Variants in MBP observed in about 807,000 individuals in gnomAD.
The protein encoded by MBP is myelin basic protein.
A neutral mutation model predicts 35.8 loss-of-function variants in MBP; 16 were observed. The ratio of observed to expected loss-of-function variants is 0.45; its 90% CI spans 0.30 to 0.68. The LOEUF (loss-of-function observed/expected upper bound fraction) is 0.68. Ranked by LOEUF, MBP falls within the 30% of genes least tolerant of loss-of-function variation. The pLI is 0.08. For synonymous variants in MBP, 143 were observed against 159.6 expected (o/e 0.90, Z 0.78); for missense variants, 380 against 404.7 (o/e 0.94, Z 0.52).
At chr18:76,998,499 C>G (rs755078053) in intron 4 of MBP, among the ~76,000 whole-genome samples, 8 of 152,052 alleles carry the variant, frequency 5.3e-5, no homozygotes, top group Non-Finnish European at 1.2e-4. Context: ...CGGAGCCACG[C>G]TGATCTGATT....
chr18:76,991,092 GC>G (rs1395328745), intron 4 of MBP, among the ~76,000 whole-genome samples: 4 of 152,170 alleles, frequency 2.6e-5, no homozygotes, highest in African/African-American at 9.7e-5. Flanking sequence ...ACAGCATGAG[GC>G]AGGCAGCTCA....
At chr18:77,011,987 T>C (rs751398302) in intron 4 of MBP, among the ~76,000 whole-genome samples, 1 of 152,206 alleles carries the variant, frequency 6.6e-6, no homozygotes, top group South Asian at 2.1e-4. Flanking sequence ...TTGCCTGTTA[T>C]CAAATGTCCA....
intron 4 of MBP, chr18:77,014,222 G>A (rs563417228): frequency 2.0e-6 from 2 of 985,348 alleles, no homozygotes; most frequent in African/African-American, 3.5e-5. Context: ...ACACAAGCAT[G>A]GGTGTTGTTA....
rs776127568 is a variant in MBP, at chr18:77,017,208, G to T, written c.200C>A (p.Ser67Tyr). 6 of 1,529,256 alleles carry T rather than the reference G, an allele frequency of 3.9e-6. No homozygotes were observed. In the East Asian group the frequency reaches 9.0e-5, roughly 23 times the overall value. The allele number at this position is 1,529,256 out of a possible 1,614,324, so 94.7% of individuals were successfully genotyped here. Residue 67 changes from serine (S) to tyrosine (Y), a missense_variant, in exon 4 of 9, where the codon TCC becomes TAC. Transcript: ENST00000355994. ...ATTCTTCGGGTCCGCTGTGCGCTTGGAGTCAGTCACCGCTGTGTCCTGAGA... is the reference window on the plus strand; with the variant it reads ...ATTCTTCGGGTCCGCTGTGCGCTTGTAGTCAGTCACCGCTGTGTCCTGAGA... ...TSSQDTAVTD[S>Y]KRTADPKNAW...
chr18:77,039,464 G>C (rs570442574), intron 3 of MBP, among the ~76,000 whole-genome samples: 30 of 152,258 alleles, frequency 2.0e-4, no homozygotes, highest in African/African-American at 7.0e-4. Context: ...GTATGCATTT[G>C]GTTTTAATTT....
rs796644135 is a variant in MBP, at chr18:77,014,279, C to T, written c.576+2553G>A. The T allele has an allele frequency of 2.6e-5, 26 of 985,452 alleles. 3 individuals are homozygous for T. The East Asian group carries it at 4.5e-4, about 17-fold the overall frequency. 61.0% of individuals were successfully genotyped at this position (985,452 alleles called of 1,614,324 possible). A position where few individuals can be genotyped will look rare whatever the true frequency, so the allele number is the denominator to read the frequency against. On this transcript the variant is annotated intron_variant, in intron 4 of 8. Transcript: ENST00000355994. ...CGGCCGCTCCAACATGTGGTACCAG[C>T]GGCCATGTGCCCTCAAGGGGAGGGA...
At chr18:77,114,474 CAGTT>C (rs1300246366) in intron 1 of MBP, 1 of 152,210 alleles carries the variant, frequency 6.6e-6, no homozygotes, top group Non-Finnish European at 1.5e-5. Context: ...ATCCACGTGT[CAGTT>C]AGATTAGCAT....
intron 2 of MBP, among the ~76,000 whole-genome samples, chr18:77,100,064 C>T (rs1445930239): frequency 6.6e-6 from 1 of 152,218 alleles, no homozygotes; most frequent in African/African-American, 2.4e-5. Flanking sequence ...TGTGATCCTC[C>T]TGAATCTATA....
intron 3 of MBP, among the ~76,000 whole-genome samples, chr18:77,050,039 C>T (rs1568312952): frequency 6.6e-6 from 1 of 152,186 alleles, no homozygotes; most frequent in Non-Finnish European, 1.5e-5. Flanking sequence ...GAAACAAGTG[C>T]TATTTTCATT....
Position 77,033,408 on chromosome 18 carries a change from C to T in MBP, c.140-16140G>A, listed in dbSNP as rs79945755. Among the ~76,000 whole-genome samples, 837 of 152,282 alleles carry T rather than the reference C, an allele frequency of 5.5e-3. 5 individuals carry two copies. Among genetic ancestry groups the T allele is most frequent in the African/African-American group, 0.019 (783 of 41,560 alleles). ...CTCCCCCATGCATTGCTCTGATGAGCGCTTGCAGTGCATGTCATAAAATGT... is the reference window on the plus strand; with the variant it reads ...CTCCCCCATGCATTGCTCTGATGAGTGCTTGCAGTGCATGTCATAAAATGT... On this transcript the variant is annotated intron_variant, in intron 3 of 8. Transcript: ENST00000355994.
At chr18:76,997,821 T>C (rs1244253012) in intron 4 of MBP, among the ~76,000 whole-genome samples, 10 of 151,290 alleles carry the variant, frequency 6.6e-5, no homozygotes, top group Admixed American at 5.9e-4. Context: ...TAGCTGGGAC[T>C]AGAGGCTCCG....
At chr18:77,077,145 G>A (rs193302471) in intron 2 of MBP, among the ~76,000 whole-genome samples, 152 of 152,052 alleles carry the variant, frequency 1.0e-3, no homozygotes, top group African/African-American at 3.2e-3. Flanking sequence ...AGGATCACCC[G>A]AGGTCAGGAG....
At chr18:77,125,348 GATA>G (rs1174968271) in intron 1 of MBP, among the ~76,000 whole-genome samples, 3 of 151,936 alleles carry the variant, frequency 2.0e-5, no homozygotes, top group Non-Finnish European at 4.4e-5. Context: ...AAAAAGCACA[GATA>G]ATAATCTACA....
chr18:76,991,311 C>G (rs763181673), intron 4 of MBP, among the ~76,000 whole-genome samples: 15 of 152,088 alleles, frequency 9.9e-5, no homozygotes, highest in African/African-American at 1.7e-4. Context: ...AGAGATCGCA[C>G]AGAAGATACA....
rs775008570 is a variant in MBP, at chr18:77,101,725, T to TGCC, written c.51+3483_51+3485dup. On this transcript the variant is annotated intron_variant, in intron 2 of 8. Transcript: ENST00000355994. This position sits in a 1 kb window ranked among gnomAD's most constrained non-coding sequence, Gnocchi z 4.3. The stretch of plus-strand genomic sequence containing the variant: ...GTTAGTTTCTCTTCCTCTTACATCC[T>TGCC]GCCGTGGCTTATTCGGGATGAGAGA... Among the ~76,000 whole-genome samples, 2 of 152,170 alleles carry TGCC rather than the reference T, an allele frequency of 1.3e-5. No individual in the cohort carries two copies. Among genetic ancestry groups the TGCC allele is most frequent in the Non-Finnish European group, 2.9e-5 (2 of 68,026 alleles).
chr18:77,094,326 T>C (rs2145052589), intron 2 of MBP, among the ~76,000 whole-genome samples: 1 of 152,324 alleles, frequency 6.6e-6, no homozygotes, highest in South Asian at 2.1e-4. Flanking sequence ...TTCCTCTCTT[T>C]AGGAGCTCAC....
intron 4 of MBP, chr18:77,016,426 C>G (rs1040624782): frequency 3.2e-5 from 33 of 1,016,916 alleles, no homozygotes; most frequent in Non-Finnish European, 3.8e-5. Flanking sequence ...CAGGAAAAAA[C>G]GAGCATAACC....
intron 3 of MBP, among the ~76,000 whole-genome samples, chr18:77,029,745 G>C (rs1342337955): frequency 1.3e-5 from 2 of 151,878 alleles, no homozygotes. Flanking sequence ...ATTTTGGTTA[G>C]TTTTGAGTGT....
At chr18:77,084,183 C>T (rs1011325484) in intron 2 of MBP, among the ~76,000 whole-genome samples, 1 of 152,008 alleles carries the variant, frequency 6.6e-6, no homozygotes, top group Non-Finnish European at 1.5e-5. Context: ...TAAAGCCACA[C>T]TCTTTGTGAG....
Sources: allele counts gnomAD v4.1 joint callset (sites outside exome capture counted in the v4.1 genomes callset), GRCh38; gene constraint gnomAD v4.1.1; non-coding constraint Gnocchi (gnomAD v3.1); transcripts MANE v1.5; gene names NCBI Gene and HGNC (gene_info 2026-07-23, HGNC 2026-07-21).